The following NRCAM variants were observed in gnomAD, a reference collection of about 807,000 sequenced individuals.
NRCAM encodes neuronal cell adhesion molecule.
NRCAM carries 83 observed loss-of-function variants against 156.5 expected under a neutral mutation model. The ratio of observed to expected loss-of-function variants is 0.53; its 90% CI spans 0.44 to 0.64. The LOEUF (loss-of-function observed/expected upper bound fraction) is 0.64. NRCAM is among the 30% of genes least tolerant of loss of function. The pLI is 0.00. For missense variants in NRCAM, 1,417 were observed against 1,597.3 expected (o/e 0.89, Z 1.92); for synonymous variants, 538 against 563.9 (o/e 0.95, Z 0.65).
intron 2 of NRCAM, among the ~76,000 whole-genome samples, chr7:108,327,649 C>G (rs1251840374): frequency 6.6e-6 from 1 of 152,084 alleles, no homozygotes; most frequent in Non-Finnish European, 1.5e-5. Flanking sequence ...TACAGATGGT[C>G]TTTGAAGATG....
At chr7:108,283,963 G>A (rs1423712404) in intron 3 of NRCAM, among the ~76,000 whole-genome samples, 2 of 151,724 alleles carry the variant, frequency 1.3e-5, no homozygotes, top group African/African-American at 2.4e-5. Context: ...ATCTTGCCTC[G>A]GCCTCCTGAG....
chr7:108,274,379 T>C (rs2097508111), intron 3 of NRCAM, among the ~76,000 whole-genome samples: 1 of 152,232 alleles, frequency 6.6e-6, no homozygotes, highest in South Asian at 2.1e-4. Flanking sequence ...GAGCATGGCA[T>C]GTTTTTCCAT....
chr7:108,167,075 T>C lies in NRCAM; in HGVS notation c.3314-2A>G. ...TTTCTTTTCTCCATTCTTCTTTGCC[T>C]ATGGAAATTTTGCAAAAACAACACA... On this transcript the variant is annotated splice_acceptor_variant, in intron 29 of 32. Transcript: ENST00000379028. LOFTEE classifies it high-confidence loss of function. The C allele has an allele frequency of 6.2e-7, 1 of 1,610,542 alleles. No homozygotes were observed. The highest frequency in any genetic ancestry group is 8.5e-7 in the Non-Finnish European group (1 of 1,178,096).
At chr7:108,217,753 G>A (rs1166288365) in intron 11 of NRCAM, among the ~76,000 whole-genome samples, 1 of 152,142 alleles carries the variant, frequency 6.6e-6, no homozygotes, top group African/African-American at 2.4e-5. Flanking sequence ...CCTCAGTAAT[G>A]GCAGATGCCC....
rs2096652441 is a variant in NRCAM, at chr7:108,256,187, G to C, written c.-106-16017C>G. On this transcript the variant is annotated intron_variant, in intron 3 of 32. Transcript: ENST00000379028. The stretch of plus-strand genomic sequence containing the variant: ...TGGTGGTTTTGTTGAATAGAAAAGG[G>C]GGAAATGTGGGGAAAAGAAAGAGAG... Among the ~76,000 whole-genome samples, 3 of 152,170 alleles carry C rather than the reference G, an allele frequency of 2.0e-5. No individual in the cohort carries two copies. The East Asian group carries it at 5.8e-4, about 29-fold the overall frequency.
intron 31 of NRCAM, among the ~76,000 whole-genome samples, chr7:108,160,070 T>C (rs1014896109): frequency 2.6e-5 from 4 of 152,306 alleles, no homozygotes; most frequent in African/African-American, 7.2e-5. Flanking sequence ...TCCTTGCCAG[T>C]TGGTTTTAGG....
In NRCAM at chr7:108,172,664, G is replaced by A. The variant is rs117065431; in HGVS notation, c.3187+2658C>T. Among the ~76,000 whole-genome samples, 2,058 of 152,250 alleles carry A rather than the reference G, an allele frequency of 0.014. 141 individuals carry two copies. The East Asian group carries it at 0.15, about 11-fold the overall frequency. On this transcript the variant is annotated intron_variant, in intron 28 of 32. Coordinates refer to ENST00000379028, the MANE Select transcript of NRCAM (RefSeq NM_001037132.4). ...TATAATTCCTACACAAATATTGAGA[G>A]CTTTAATCCAACAAAGAAAAGGACA...
chr7:108,248,525 T>G (rs923616523), intron 3 of NRCAM, among the ~76,000 whole-genome samples: 1 of 152,014 alleles, frequency 6.6e-6, no homozygotes, highest in African/African-American at 2.4e-5. Context: ...TCTACTCCAG[T>G]GAGAAATTAA....
chr7:108,189,584 A>G lies in NRCAM; in HGVS notation c.2035+61T>C. The G allele has an allele frequency of 3.9e-6, 3 of 762,996 alleles. No individual in the cohort carries two copies. The South Asian group carries it at 4.4e-5, about 11-fold the overall frequency. The allele number at this position is 762,996 out of a possible 1,614,324, so 47.3% of individuals were successfully genotyped here. A position where few individuals can be genotyped will look rare whatever the true frequency, so the allele number is the denominator to read the frequency against. On this transcript the variant is annotated intron_variant, in intron 20 of 32. Coordinates refer to ENST00000379028, the MANE Select transcript of NRCAM (RefSeq NM_001037132.4). ...TTGTGAGGAAATTCAGCTGACTGTT[A>G]CAAAGTGCTTCAAACATGGCCATTT...
At chr7:108,285,238 C>T (rs995697935) in intron 3 of NRCAM, among the ~76,000 whole-genome samples, 1 of 152,158 alleles carries the variant, frequency 6.6e-6, no homozygotes, top group African/African-American at 2.4e-5. Flanking sequence ...AACAAAAAGA[C>T]CTTCCACCCT....
In NRCAM at chr7:108,247,370, C is replaced by T. The variant is rs904244623; in HGVS notation, c.-106-7200G>A. Among the ~76,000 whole-genome samples the T allele has an allele frequency of 1.2e-4, 18 of 152,172 alleles. No individual in the cohort carries two copies. In the Middle Eastern group the frequency reaches 0.017, roughly 144 times the overall value. ...GCAGGTCTCCTTACAAGGTCATGGC[C>T]GAACCTAAATTAGTAAATAGTGTGG... On this transcript the variant is annotated intron_variant, in intron 3 of 32. Transcript: ENST00000379028.
Position 108,399,542 on chromosome 7 carries a change from T to C in NRCAM, c.-280A>G, listed in dbSNP as rs2099785811. 1 of 152,118 alleles carries C rather than the reference T, an allele frequency of 6.6e-6. No individual in the cohort carries two copies. The highest frequency in any genetic ancestry group is 1.5e-5 in the Non-Finnish European group (1 of 68,032). 9.4% of individuals were successfully genotyped at this position (152,118 alleles called of 1,614,324 possible). ...CAGCTAAGACCAGCTTTTGTCGAAG[T>C]CTTCAGCAAACAGGGGATAAAGAAT... On this transcript the variant is annotated 5_prime_UTR_variant, in exon 2 of 33. Coordinates refer to ENST00000379028, the MANE Select transcript of NRCAM (RefSeq NM_001037132.4).
chr7:108,343,774 T>G (rs930093782), intron 2 of NRCAM, among the ~76,000 whole-genome samples: 4 of 152,220 alleles, frequency 2.6e-5, no homozygotes, highest in African/African-American at 9.6e-5. Context: ...ACCAGGCCTT[T>G]TCAAAACTAT....
chr7:108,346,960 TTTC>T (rs771778658), intron 2 of NRCAM, among the ~76,000 whole-genome samples: 1 of 152,158 alleles, frequency 6.6e-6, no homozygotes, highest in African/African-American at 2.4e-5. Flanking sequence ...ATTTCACCTA[TTTC>T]TTTTTACTGT....
chr7:108,441,352 A>G (rs1289850922), intron 1 of NRCAM, among the ~76,000 whole-genome samples: 1 of 152,200 alleles, frequency 6.6e-6, no homozygotes, highest in Non-Finnish European at 1.5e-5. Context: ...AACAGCCACA[A>G]TATCAGATTG....
At chr7:108,298,049 G>C (rs1045886339) in intron 3 of NRCAM, among the ~76,000 whole-genome samples, 4 of 152,106 alleles carry the variant, frequency 2.6e-5, no homozygotes, top group Admixed American at 6.5e-5. Context: ...CTTTGGCTTT[G>C]TACAAGCTTA....
intron 2 of NRCAM, among the ~76,000 whole-genome samples, chr7:108,387,054 C>T (rs1012025800): frequency 1.3e-5 from 2 of 152,068 alleles, no homozygotes; most frequent in African/African-American, 4.8e-5. Context: ...TTGTTCTATC[C>T]TCTGAACATG....
At chr7:108,455,848 G>A (rs775527910) in intron 1 of NRCAM, among the ~76,000 whole-genome samples, 31 of 152,260 alleles carry the variant, frequency 2.0e-4, no homozygotes, top group Non-Finnish European at 4.0e-4. Flanking sequence ...CGCCGTGCCG[G>A]GCCCGCAGGC....
chr7:108,349,969 T>C (rs377199039), intron 2 of NRCAM, among the ~76,000 whole-genome samples: 7 of 152,312 alleles, frequency 4.6e-5, no homozygotes, highest in African/African-American at 1.7e-4. Context: ...TCAAAGGCAT[T>C]CCCTACCTTT....
Sources: allele counts gnomAD v4.1 joint callset (sites outside exome capture counted in the v4.1 genomes callset), GRCh38; gene constraint gnomAD v4.1.1; transcripts MANE v1.5; gene names NCBI Gene and HGNC (gene_info 2026-07-23, HGNC 2026-07-21).